The following EXOC7 variants were observed in gnomAD, a reference collection of about 807,000 sequenced individuals.
EXOC7 encodes exocyst complex component 7.
EXOC7 carries 51 observed loss-of-function variants against 87.6 expected under a neutral mutation model. The observed-to-expected ratio is 0.58, with a 90% CI of 0.46 to 0.73. EXOC7 has a LOEUF of 0.73. EXOC7 is among the 30% of genes least tolerant of loss of function. The pLI, the probability that EXOC7 is intolerant of heterozygous loss-of-function variation, is 0.00. For missense variants in EXOC7, 744 were observed against 888.4 expected (o/e 0.84, Z 2.07); for synonymous variants, 327 against 357.1 (o/e 0.92, Z 0.95).
chr17:76,085,879 T>C, intron 13 of EXOC7, 82 bp from the exon 14 acceptor site: 1 of 1,559,216 alleles, frequency 6.4e-7, no homozygotes. Flanking sequence ...AACGCGCTCC[T>C]ATCCATCGCT....
rs535821155 is a variant in EXOC7 at position 76,087,812 on chromosome 17, A to G, written c.1363-92T>C. ...CCCTCTGAGTGCCCAGGGCCAGCCC[A>G]GGGCTGGGATCCGCCCAGTGAAGAG... On this transcript the variant is annotated intron_variant, in intron 11 of 18. Coordinates refer to ENST00000589210, the MANE Select transcript of EXOC7 (RefSeq NM_001013839.4). 4.3e-6 allele frequency: 6 copies of G among 1,379,582 alleles called. No homozygotes were observed. The South Asian group carries it at 5.0e-5, about 11-fold the overall frequency. 85.5% of individuals were successfully genotyped at this position (1,379,582 alleles called of 1,614,324 possible).
Position 76,103,343 on chromosome 17 carries a change from A to C in EXOC7, c.126+18T>G. 1 of 1,579,080 alleles carries C rather than the reference A, an allele frequency of 6.3e-7. No individual in the cohort carries two copies. The highest frequency in any genetic ancestry group is 8.6e-7 in the Non-Finnish European group (1 of 1,161,130). On this transcript the variant is annotated intron_variant, in intron 2 of 18. Transcript: ENST00000589210. The stretch of plus-strand genomic sequence containing the variant: ...GGTCCGGAGGCCTGCCCTCTCCCCC[A>C]GCTGCGGGGAGACTCACCATGTTCT...
At position 76,081,030 on chromosome 17, in the gene EXOC7, GTACATT is replaced by G; in HGVS notation, c.*2612_*2617del. Reference sequence around the variant, plus strand: ...TCCCTCCATCATGAAGTGGTGCAAAGTACATTTATTTTTACAATGAAAGCTCATCTA... The same window carrying G: ...TCCCTCCATCATGAAGTGGTGCAAAGTATTTTTACAATGAAAGCTCATCTA... On this transcript the variant is annotated 3_prime_UTR_variant, in exon 19 of 19. Transcript: ENST00000589210. 1 of 471,674 alleles carries G rather than the reference GTACATT, an allele frequency of 2.1e-6. No homozygotes were observed. Among genetic ancestry groups the G allele is most frequent in the Non-Finnish European group, 3.9e-6 (1 of 255,506 alleles). 29.2% of individuals were successfully genotyped at this position (471,674 alleles called of 1,614,324 possible).
rs139665048 is a variant in EXOC7, at chr17:76,089,250, C to G, written c.972G>C (p.Ala324=). ...IHCVSAFVKL[A]QSEYQLLADI... ...CGGCCAGCAGCTGGTACTCGCTCTG[C>G]GCCAGCTTGACGAAGGCACTGACGC... is the stretch of plus-strand genomic sequence containing the variant. The change falls in exon 8 of 19, where the codon GCG becomes GCC. Residue 324 remains alanine, a synonymous_variant. Coordinates refer to ENST00000589210, the MANE Select transcript of EXOC7 (RefSeq NM_001013839.4). The G allele has an allele frequency of 7.4e-6, 12 of 1,614,000 alleles. No homozygotes were observed. The highest frequency in any genetic ancestry group is 1.7e-5 in the Admixed American group (1 of 60,016).
At chr17:76,088,174 G>A in intron 10 of EXOC7, 52 bp from the exon 11 acceptor site, 1 of 1,572,022 alleles carries the variant, frequency 6.4e-7, no homozygotes, top group East Asian at 2.2e-5. Flanking sequence ...CCCACCCCAT[G>A]CCCCAGTGCA....
chr17:76,089,158 C>CCGGGG lies in EXOC7; in HGVS notation c.1047+12_1047+16dup, dbSNP rs1176238254. ...CTTGCTGGGGCTGGCTGCAGAGCCCCCGGGGCGGGGCGGGACCTGTATCAG... is the reference window on the plus strand; with the variant it reads ...CTTGCTGGGGCTGGCTGCAGAGCCCCCGGGGCGGGGCGGGGCGGGACCTGTATCAG... On this transcript the variant is annotated intron_variant, in intron 8 of 18. Transcript: ENST00000589210. 28 of 1,612,010 alleles carry CCGGGG rather than the reference C, an allele frequency of 1.7e-5. No individual in the cohort carries two copies. The highest frequency in any genetic ancestry group is 2.2e-5 in the South Asian group (2 of 91,032).
At position 76,082,621 on chromosome 17, in the gene EXOC7, G is replaced by A. The variant is rs745524081; in HGVS notation, c.*1027C>T. 1 of 1,613,014 alleles carries A rather than the reference G, an allele frequency of 6.2e-7. No individual in the cohort carries two copies. Among genetic ancestry groups the A allele is most frequent in the Non-Finnish European group, 8.5e-7 (1 of 1,179,724 alleles). ...CAAGTCTGACGCAGCCCCTGGAGAG[G>A]CTGCACCCCATGGCAGGCGGCCTAG... On this transcript the variant is annotated 3_prime_UTR_variant, in exon 19 of 19. Transcript: ENST00000589210.
chr17:76,089,668 G>A (rs1048785314), intron 7 of EXOC7: 2 of 305,864 alleles, frequency 6.5e-6, no homozygotes, highest in Non-Finnish European at 1.3e-5. Context: ...AGCATTCTGA[G>A]TTGTACCTGA....
chr17:76,094,720 T>G, intron 5 of EXOC7, 139 bp from the exon 6 acceptor site: 3 of 793,748 alleles, frequency 3.8e-6, no homozygotes, highest in Non-Finnish European at 5.9e-6. Context: ...CCATATCTTG[T>G]CCCAAATCAG....
At chr17:76,094,265 T>C in intron 6 of EXOC7, 149 bp downstream of exon 6, 1 of 802,958 alleles carries the variant, frequency 1.2e-6, no homozygotes, top group South Asian at 2.1e-5. Context: ...GGGTAGACAC[T>C]TGCTTTCTGT....
intron 6 of EXOC7, among the ~76,000 whole-genome samples, chr17:76,091,838 A>C (rs1320764083): frequency 1.3e-5 from 2 of 152,210 alleles, no homozygotes; most frequent in Non-Finnish European, 2.9e-5. Context: ...CCAAACCACC[A>C]AAGCGACAAG....
chr17:76,098,146 T>A, intron 4 of EXOC7, 128 bp from the exon 5 acceptor site: 2 of 722,384 alleles, frequency 2.8e-6, no homozygotes, highest in South Asian at 3.7e-5. Context: ...CTGATATCTT[T>A]TTTTTTTTTG....
chr17:76,082,710 G>C lies in EXOC7; in HGVS notation c.*938C>G. ...TGAAGTTTGCTTTCCCATGGCTGGGGGCGGGCCATGACAGGGCCTCTGGAT... is the reference window on the plus strand; with the variant it reads ...TGAAGTTTGCTTTCCCATGGCTGGGCGCGGGCCATGACAGGGCCTCTGGAT... On this transcript the variant is annotated 3_prime_UTR_variant, in exon 19 of 19. Coordinates refer to ENST00000589210, the MANE Select transcript of EXOC7 (RefSeq NM_001013839.4). 1 of 1,511,652 alleles carries C rather than the reference G, an allele frequency of 6.6e-7. No homozygotes were observed. The highest frequency in any genetic ancestry group is 2.3e-5 in the East Asian group (1 of 42,848). The allele number at this position is 1,511,652 out of a possible 1,614,324, so 93.6% of individuals were successfully genotyped here. A position where few individuals can be genotyped will look rare whatever the true frequency, so the allele number is the denominator to read the frequency against.
Position 76,081,254 on chromosome 17 carries a change from A to G in EXOC7, c.*2394T>C. On this transcript the variant is annotated 3_prime_UTR_variant, in exon 19 of 19. Transcript: ENST00000589210. ...AGCTGGGATCTCTCCTTCCTGGTTC[A>G]TAGTTCTCATTCCCACCCCTCAGCG... 1 of 1,612,554 alleles carries G rather than the reference A, an allele frequency of 6.2e-7. No homozygotes were observed. The highest frequency in any genetic ancestry group is 8.5e-7 in the Non-Finnish European group (1 of 1,179,676).
intron 4 of EXOC7, among the ~76,000 whole-genome samples, chr17:76,098,865 CAA>C (rs55644538): frequency 0.51 from 53,934 of 106,180 alleles, 10,447 homozygotes; most frequent in South Asian, 0.68. Flanking sequence ...GACTCCGTCT[CAA>C]AAAAAAAAAA....
intron 10 of EXOC7, 26 bp downstream of exon 10, chr17:76,088,438 G>T: frequency 6.2e-7 from 1 of 1,604,914 alleles, no homozygotes; most frequent in South Asian, 1.1e-5. Context: ...CCGGGAGGGA[G>T]GGAGAAAGGG....
At chr17:76,095,599 A>G (rs1234961090) in intron 5 of EXOC7, among the ~76,000 whole-genome samples, 2 of 152,226 alleles carry the variant, frequency 1.3e-5, no homozygotes, top group African/African-American at 4.8e-5. Flanking sequence ...TAAAGTATAA[A>G]TTAAAAAAAT....
chr17:76,099,323 T>C (rs1159082192), intron 4 of EXOC7, among the ~76,000 whole-genome samples: 3 of 152,216 alleles, frequency 2.0e-5, no homozygotes, highest in Non-Finnish European at 4.4e-5. Flanking sequence ...CTGGCCAACA[T>C]GGTGAAACCC....
intron 6 of EXOC7, 74 bp from the exon 7 acceptor site, chr17:76,091,309 C>T (rs2067469549): frequency 2.3e-6 from 3 of 1,317,650 alleles, no homozygotes; most frequent in South Asian, 2.4e-5. Context: ...AGCGGCCCTC[C>T]ACCTGCCCCC....
Sources: gnomAD v4.1 joint callset for allele counts (sites outside exome capture counted in the v4.1 genomes callset) on GRCh38, gnomAD v4.1.1 for gene constraint, MANE v1.5 for transcripts, NCBI Gene and HGNC (gene_info 2026-07-23, HGNC 2026-07-21) for gene names.